Variants in ELMO1 observed in about 807,000 individuals in gnomAD.
ELMO1 encodes the protein engulfment and cell motility protein 1.
Under a neutral mutation model 98.9 loss-of-function variants are expected in ELMO1, and 26 were observed. The observed-to-expected ratio is 0.26, with a 90% CI of 0.19 to 0.36. The LOEUF (loss-of-function observed/expected upper bound fraction) is 0.36. ELMO1 is among the 10% of genes least tolerant of loss of function. The probability of loss-of-function intolerance (pLI) is 1.00; values close to 1 mark genes in which losing one functional copy is unlikely to be tolerated. For synonymous variants in ELMO1, 346 were observed against 346.0 expected (o/e 1.00, Z 0.00); for missense variants, 627 against 935.2 (o/e 0.67, Z 4.30).
At chr7:37,446,189 T>C (rs1473577796) in intron 1 of ELMO1, among the ~76,000 whole-genome samples, 1 of 152,208 alleles carries the variant, frequency 6.6e-6, no homozygotes, top group Non-Finnish European at 1.5e-5. Flanking sequence ...CCACCTCTCA[T>C]TTAGTCAGTC....
chr7:37,307,257 A>C (rs1035384019), intron 4 of ELMO1, among the ~76,000 whole-genome samples: 2 of 152,144 alleles, frequency 1.3e-5, no homozygotes, highest in South Asian at 4.1e-4. Flanking sequence ...TAGTTCCCAT[A>C]ATTCCCACGT....
chr7:37,412,057 C>A (rs1198993378), intron 1 of ELMO1, among the ~76,000 whole-genome samples: 5 of 152,224 alleles, frequency 3.3e-5, no homozygotes, highest in African/African-American at 7.2e-5. Context: ...CACACACACA[C>A]AAAATGTTTT....
chr7:37,187,346 T>C (rs1791272949), intron 13 of ELMO1, among the ~76,000 whole-genome samples: 1 of 152,132 alleles, frequency 6.6e-6, no homozygotes, highest in Non-Finnish European at 1.5e-5. Flanking sequence ...CTTGTTGGGA[T>C]AATGAAAATG....
intron 2 of ELMO1, among the ~76,000 whole-genome samples, chr7:37,329,832 G>A (rs945149906): frequency 1.3e-5 from 2 of 152,152 alleles, no homozygotes; most frequent in African/African-American, 4.8e-5. Flanking sequence ...CTTCCCATAT[G>A]TCACAACGGG....
intron 14 of ELMO1, among the ~76,000 whole-genome samples, chr7:37,114,735 G>T (rs574853749): frequency 6.6e-6 from 1 of 151,824 alleles, no homozygotes; most frequent in African/African-American, 2.4e-5. Flanking sequence ...AAAGTAAGCT[G>T]AAGAAAAGAA....
intron 13 of ELMO1, among the ~76,000 whole-genome samples, chr7:37,191,666 T>A (rs909819957): frequency 6.6e-6 from 1 of 152,206 alleles, no homozygotes; most frequent in African/African-American, 2.4e-5. Flanking sequence ...AAGCCTGTAA[T>A]CCCAGCACTT....
intron 14 of ELMO1, among the ~76,000 whole-genome samples, chr7:37,126,971 T>C (rs1371611390): frequency 6.6e-6 from 1 of 152,250 alleles, no homozygotes. Flanking sequence ...CTCATTTGCA[T>C]GCATTCGGAT....
intron 16 of ELMO1, among the ~76,000 whole-genome samples, chr7:36,916,865 G>A (rs1936133065): frequency 6.6e-6 from 1 of 152,218 alleles, no homozygotes; most frequent in African/African-American, 2.4e-5. Flanking sequence ...ACATCACAGA[G>A]GAAGGACTGG....
chr7:37,261,193 A>G (rs545879688), intron 5 of ELMO1, among the ~76,000 whole-genome samples: 56 of 152,352 alleles, frequency 3.7e-4, no homozygotes, highest in African/African-American at 1.3e-3. Flanking sequence ...AATTCATTTA[A>G]TCTCCACAAT....
At chr7:37,017,650 C>T (rs1230454414) in intron 15 of ELMO1, among the ~76,000 whole-genome samples, 4 of 152,126 alleles carry the variant, frequency 2.6e-5, no homozygotes, top group Admixed American at 6.6e-5. Flanking sequence ...GCCATTTTGT[C>T]AGCATAAAAA....
intron 1 of ELMO1, among the ~76,000 whole-genome samples, chr7:37,370,952 A>G (rs1006152105): frequency 7.2e-5 from 11 of 152,244 alleles, no homozygotes; most frequent in African/African-American, 2.7e-4. Flanking sequence ...CTACACTAAG[A>G]GAGATGGACA....
intron 15 of ELMO1, among the ~76,000 whole-genome samples, chr7:37,075,664 A>G (rs545291164): frequency 1.1e-4 from 17 of 152,158 alleles, no homozygotes; most frequent in Admixed American, 9.2e-4. Flanking sequence ...AGGAAATGTC[A>G]CTCATTCTTA....
chr7:37,054,346 C>A lies in ELMO1; in HGVS notation c.1301-40911G>T, dbSNP rs560515004. On this transcript the variant is annotated intron_variant, in intron 15 of 21. Transcript: ENST00000310758. ...TGATAATGATGACATTCACCCTCAG[C>A]CCCTTAGCATACACTAACTAACAGC... Among the ~76,000 whole-genome samples, 6 of 152,242 alleles carry A rather than the reference C, an allele frequency of 3.9e-5. No homozygotes were observed. In the South Asian group the frequency reaches 1.2e-3, roughly 32 times the overall value.
intron 1 of ELMO1, among the ~76,000 whole-genome samples, chr7:37,407,431 C>A (rs1354192561): frequency 2.0e-5 from 3 of 151,498 alleles, no homozygotes; most frequent in African/African-American, 7.3e-5. Context: ...TCACTTGAAA[C>A]CAGAAGGCGG....
intron 1 of ELMO1, among the ~76,000 whole-genome samples, chr7:37,435,592 A>G (rs1805110970): frequency 6.6e-6 from 1 of 152,182 alleles, no homozygotes; most frequent in Admixed American, 6.5e-5. Context: ...AATTTTCACA[A>G]CTTCTTGTAT....
intron 16 of ELMO1, among the ~76,000 whole-genome samples, chr7:36,910,839 C>T (rs1784296602): frequency 6.6e-6 from 1 of 152,200 alleles, no homozygotes; most frequent in South Asian, 2.1e-4. Flanking sequence ...TGGTGCCTCC[C>T]TGGCTTTGTG....
intron 15 of ELMO1, among the ~76,000 whole-genome samples, chr7:37,076,545 G>C (rs981124760): frequency 6.6e-6 from 1 of 152,158 alleles, no homozygotes; most frequent in African/African-American, 2.4e-5. Context: ...GTTTAAATTT[G>C]TTTCCTTATC....
At chr7:36,862,007 G>T (rs1192901823) in intron 20 of ELMO1, 1 of 425,160 alleles carries the variant, frequency 2.4e-6, no homozygotes, top group Non-Finnish European at 4.3e-6. Context: ...GGGGCTTAGA[G>T]AGGCTCAATG....
chr7:37,053,856 TAA>T (rs1796251911), intron 15 of ELMO1, among the ~76,000 whole-genome samples: 1 of 152,210 alleles, frequency 6.6e-6, no homozygotes, highest in Admixed American at 6.5e-5. Context: ...TTATTTGATA[TAA>T]GTCTACAGAA....
Sources: allele counts gnomAD v4.1 joint callset (sites outside exome capture counted in the v4.1 genomes callset), GRCh38; gene constraint gnomAD v4.1.1; transcripts MANE v1.5; gene names NCBI Gene and HGNC (gene_info 2026-07-23, HGNC 2026-07-21).